Variants in ASCC3 observed in about 807,000 individuals in gnomAD.
ASCC3 encodes the protein ASC-1 complex subunit P200.
A neutral mutation model predicts 256.3 loss-of-function variants in ASCC3; 158 were observed. That is an observed-to-expected ratio of 0.62 (90% CI 0.54 to 0.70). ASCC3 has a LOEUF of 0.70. Ranked by LOEUF, ASCC3 falls within the 30% of genes least tolerant of loss-of-function variation. The pLI is 0.00. For missense variants in ASCC3, 2,259 were observed against 2,626.0 expected (o/e 0.86, Z 3.05); for synonymous variants, 948 against 883.4 (o/e 1.07, Z -1.30).
At chr6:100,560,168 A>G (rs1008780725) in intron 36 of ASCC3, among the ~76,000 whole-genome samples, 3 of 152,186 alleles carry the variant, frequency 2.0e-5, no homozygotes, top group Admixed American at 6.5e-5. Flanking sequence ...AGTTTTAGTT[A>G]ATGTTTGCAA....
At chr6:100,805,663 A>G (rs1770143245) in intron 5 of ASCC3, 97 bp downstream of exon 5, 2 of 1,410,908 alleles carry the variant, frequency 1.4e-6, no homozygotes, top group Admixed American at 1.9e-5. Context: ...ATTATATAAC[A>G]GACCAAAACA....
At chr6:100,807,755 TATC>T (rs1770261093) in intron 4 of ASCC3, among the ~76,000 whole-genome samples, 1 of 151,660 alleles carries the variant, frequency 6.6e-6, no homozygotes, top group African/African-American at 2.4e-5. Context: ...GTAAATTTCA[TATC>T]ATGAGTATGT....
At chr6:100,671,239 G>A (rs1284040554) in intron 14 of ASCC3, among the ~76,000 whole-genome samples, 2 of 151,982 alleles carry the variant, frequency 1.3e-5, no homozygotes, top group Non-Finnish European at 2.9e-5. Context: ...CATAAATTAT[G>A]GAGCTAAACT....
chr6:100,838,806 TTG>T (rs1772000749), intron 4 of ASCC3, among the ~76,000 whole-genome samples: 1 of 152,104 alleles, frequency 6.6e-6, no homozygotes, highest in Non-Finnish European at 1.5e-5. Flanking sequence ...CTGATATTAA[TTG>T]TCTCAGAAGA....
At chr6:100,669,116 T>C (rs779406529) in intron 14 of ASCC3, among the ~76,000 whole-genome samples, 1 of 151,110 alleles carries the variant, frequency 6.6e-6, no homozygotes, top group South Asian at 2.1e-4. Context: ...GGAAAGATGA[T>C]AGTCTCAAAA....
intron 37 of ASCC3, among the ~76,000 whole-genome samples, chr6:100,518,711 C>T (rs1217148282): frequency 6.6e-6 from 1 of 152,100 alleles, no homozygotes; most frequent in East Asian, 1.9e-4. Flanking sequence ...TCATATTAGT[C>T]TATACATTTA....
At chr6:100,631,832 C>G (rs1011376674) in intron 25 of ASCC3, among the ~76,000 whole-genome samples, 38 of 151,856 alleles carry the variant, frequency 2.5e-4, no homozygotes, top group African/African-American at 9.2e-4. Context: ...TAGAGCTCTA[C>G]TGTTATATTA....
chr6:100,633,317 T>G (rs1222980226), intron 25 of ASCC3, among the ~76,000 whole-genome samples: 1 of 152,118 alleles, frequency 6.6e-6, no homozygotes, highest in East Asian at 1.9e-4. Flanking sequence ...GTAACTGTCT[T>G]GTTTACTAGA....
intron 5 of ASCC3, 128 bp downstream of exon 5, chr6:100,805,632 T>A (rs1411568699): frequency 8.7e-7 from 1 of 1,150,708 alleles, no homozygotes; most frequent in African/African-American, 1.6e-5. Context: ...TAAAATCTAT[T>A]TAACAGAGTA....
chr6:100,861,950 G>A (rs967321171), intron 3 of ASCC3, among the ~76,000 whole-genome samples: 4 of 151,964 alleles, frequency 2.6e-5, no homozygotes, highest in African/African-American at 4.8e-5. Context: ...CTTAGTCATG[G>A]TATTGAATAA....
chr6:100,876,166 T>C (rs1225562233), intron 1 of ASCC3, among the ~76,000 whole-genome samples: 1 of 151,992 alleles, frequency 6.6e-6, no homozygotes, highest in African/African-American at 2.4e-5. Context: ...GAAGGAAGGA[T>C]GAGTGGAAGT....
At chr6:100,780,942 T>G (rs1782416025) in intron 8 of ASCC3, among the ~76,000 whole-genome samples, 1 of 152,192 alleles carries the variant, frequency 6.6e-6, no homozygotes, top group Non-Finnish European at 1.5e-5. Context: ...TCAAATGAAA[T>G]CACTTGTATT....
chr6:100,833,417 A>C (rs1443398268), intron 4 of ASCC3, among the ~76,000 whole-genome samples: 6 of 152,182 alleles, frequency 3.9e-5, no homozygotes, highest in African/African-American at 1.4e-4. Flanking sequence ...CATACAATGT[A>C]TAATACCAAG....
At chr6:100,543,252 T>C (rs1775551187) in intron 36 of ASCC3, among the ~76,000 whole-genome samples, 1 of 152,182 alleles carries the variant, frequency 6.6e-6, no homozygotes, top group South Asian at 2.1e-4. Flanking sequence ...ATAGTTGTTA[T>C]ACTGTGTTGT....
At chr6:100,615,167 C>T (rs1773602835) in intron 30 of ASCC3, among the ~76,000 whole-genome samples, 2 of 152,028 alleles carry the variant, frequency 1.3e-5, no homozygotes, top group African/African-American at 4.8e-5. Context: ...AGGTGCGTGC[C>T]ACCACACCTG....
At chr6:100,801,711 CTCT>C (rs1769925478) in intron 5 of ASCC3, among the ~76,000 whole-genome samples, 1 of 151,590 alleles carries the variant, frequency 6.6e-6, no homozygotes, top group African/African-American at 2.4e-5. Context: ...AGTATTTTAT[CTCT>C]TATTTTCCAA....
chr6:100,547,999 ATGAG>A (rs1013414036), intron 36 of ASCC3, among the ~76,000 whole-genome samples: 25 of 151,884 alleles, frequency 1.6e-4, no homozygotes, highest in Admixed American at 7.2e-4. Flanking sequence ...CAGAACATGA[ATGAG>A]TATCAAAATA....
intron 37 of ASCC3, among the ~76,000 whole-genome samples, chr6:100,535,875 A>C (rs1230595540): frequency 6.6e-6 from 1 of 152,352 alleles, no homozygotes; most frequent in African/African-American, 2.4e-5. Context: ...CTTAAAATCG[A>C]GGAAAACTGC....
intron 4 of ASCC3, among the ~76,000 whole-genome samples, chr6:100,825,685 C>A (rs1347254843): frequency 1.3e-5 from 2 of 152,098 alleles, no homozygotes; most frequent in Non-Finnish European, 2.9e-5. Context: ...TGGATAATAT[C>A]CTGAAGAGTG....
Sources: allele counts gnomAD v4.1 joint callset (sites outside exome capture counted in the v4.1 genomes callset), GRCh38; gene constraint gnomAD v4.1.1; transcripts MANE v1.5; gene names NCBI Gene and HGNC (gene_info 2026-07-23, HGNC 2026-07-21).